Variants in DACH1 observed in about 807,000 individuals in gnomAD.
DACH1 encodes dachshund homolog 1.
In DACH1, 12 loss-of-function variants were observed where a neutral mutation model predicts 54.2. That is an observed-to-expected ratio of 0.22 (90% confidence interval 0.14 to 0.36). The LOEUF (loss-of-function observed/expected upper bound fraction) is 0.36. Ranked by LOEUF, DACH1 falls within the 10% of genes least tolerant of loss-of-function variation. The pLI is 1.00. For synonymous variants in DACH1, 386 were observed against 366.2 expected (o/e 1.05, Z -0.62); for missense variants, 805 against 929.8 (o/e 0.87, Z 1.75).
intron 10 of DACH1, among the ~76,000 whole-genome samples, chr13:71,467,227 A>C (rs1876661907): frequency 6.6e-6 from 1 of 151,564 alleles, no homozygotes; most frequent in Non-Finnish European, 1.5e-5. Context: ...ACATTAAAAA[A>C]CAGTATTACT....
At chr13:71,516,012 G>A (rs538826147) in intron 6 of DACH1, among the ~76,000 whole-genome samples, 1 of 151,858 alleles carries the variant, frequency 6.6e-6, no homozygotes, top group South Asian at 2.1e-4. Context: ...TAAACTTCAC[G>A]CTTATGGAAA....
At chr13:71,607,228 T>C (rs1282275474) in intron 3 of DACH1, among the ~76,000 whole-genome samples, 2 of 152,030 alleles carry the variant, frequency 1.3e-5, no homozygotes, top group Non-Finnish European at 2.9e-5. Context: ...TTCACCTGCA[T>C]AACTTTTTAC....
At chr13:71,572,193 A>G (rs1227866438) in intron 4 of DACH1, among the ~76,000 whole-genome samples, 2 of 152,204 alleles carry the variant, frequency 1.3e-5, no homozygotes, top group African/African-American at 4.8e-5. Flanking sequence ...TTAAGTACAC[A>G]TTTTAAAATA....
At chr13:71,512,876 G>A (rs149038664) in intron 6 of DACH1, among the ~76,000 whole-genome samples, 40 of 151,744 alleles carry the variant, frequency 2.6e-4, no homozygotes, top group African/African-American at 9.4e-4. Flanking sequence ...AGAAAATCTA[G>A]AAGAATAATC....
intron 3 of DACH1, among the ~76,000 whole-genome samples, chr13:71,612,475 TA>T (rs1186822783): frequency 2.6e-5 from 4 of 151,096 alleles, no homozygotes; most frequent in South Asian, 2.1e-4. Context: ...TTAATGTTCT[TA>T]AAAAAAAAGA....
At chr13:71,533,121 T>C (rs1275848995) in intron 6 of DACH1, among the ~76,000 whole-genome samples, 1 of 151,522 alleles carries the variant, frequency 6.6e-6, no homozygotes, top group Non-Finnish European at 1.5e-5. Context: ...TCAGGAGAGA[T>C]ATCAATAACA....
chr13:71,726,034 T>C (rs1215893684), intron 1 of DACH1, among the ~76,000 whole-genome samples: 2 of 152,100 alleles, frequency 1.3e-5, no homozygotes, highest in Non-Finnish European at 1.5e-5. Flanking sequence ...AATGAACACA[T>C]AGTGATTTAC....
rs570504347 is a variant in DACH1 at position 71,866,993 on chromosome 13, C to A, written c.-224G>T. On this transcript the variant is annotated 5_prime_UTR_variant, in exon 1 of 11. Transcript: ENST00000613252. Reference sequence around the variant, plus strand: ...GCACGAGAGGCGCTCTGGAGAGGAACGCACAAAAGTGTCCCGCAAGTCGAA... The same window carrying A: ...GCACGAGAGGCGCTCTGGAGAGGAAAGCACAAAAGTGTCCCGCAAGTCGAA... 1.5e-3 allele frequency: 504 copies of A among 343,348 alleles called. 5 individuals are homozygous for A. The highest frequency in any genetic ancestry group is 0.011 in the African/African-American group (481 of 44,788). 21.3% of individuals were successfully genotyped at this position (343,348 alleles called of 1,614,324 possible).
intron 10 of DACH1, among the ~76,000 whole-genome samples, chr13:71,445,693 T>A (rs1217020976): frequency 6.6e-6 from 1 of 152,238 alleles, no homozygotes; most frequent in Non-Finnish European, 1.5e-5. Flanking sequence ...AATTTTGTCA[T>A]ATTTATTAAA....
intron 1 of DACH1, among the ~76,000 whole-genome samples, chr13:71,742,720 A>AT (rs1036272227): frequency 1.6e-4 from 24 of 149,504 alleles, no homozygotes; most frequent in South Asian, 1.1e-3. Context: ...CATCTTATAC[A>AT]TTTTTTTTTT....
In DACH1 at chr13:71,439,369, A is replaced by G. The variant is rs1803547970; in HGVS notation, c.*1286T>C. On this transcript the variant is annotated 3_prime_UTR_variant, in exon 11 of 11. Coordinates refer to ENST00000613252, the MANE Select transcript of DACH1 (RefSeq NM_080759.6). ...GAAAACACATACTGTAACTTTCAAA[A>G]AGACAGTGAAAATAACACATAGCCA... is the stretch of plus-strand genomic sequence containing the variant. The G allele has an allele frequency of 6.6e-6, 1 of 152,456 alleles. No individual in the cohort carries two copies. Among genetic ancestry groups the G allele is most frequent in the South Asian group, 2.1e-4 (1 of 4,830 alleles). The allele number at this position is 152,456 out of a possible 1,614,324, so 9.4% of individuals were successfully genotyped here.
intron 6 of DACH1, among the ~76,000 whole-genome samples, chr13:71,517,646 G>A (rs889565825): frequency 4.6e-5 from 7 of 151,830 alleles, no homozygotes; most frequent in Non-Finnish European, 1.0e-4. Flanking sequence ...AATGTTCACT[G>A]GAAAGGAAGT....
At chr13:71,646,542 A>G (rs897574196) in intron 2 of DACH1, among the ~76,000 whole-genome samples, 2 of 152,298 alleles carry the variant, frequency 1.3e-5, no homozygotes, top group South Asian at 4.1e-4. Context: ...CTACATTTGG[A>G]CATAAAAATG....
At chr13:71,661,662 A>ATTTCTTGGAT (rs1213716506) in intron 2 of DACH1, among the ~76,000 whole-genome samples, 11 of 152,060 alleles carry the variant, frequency 7.2e-5, no homozygotes, top group Non-Finnish European at 5.9e-5. Context: ...CCTTGAAATT[A>ATTTCTTGGAT]AGTTTATTTC....
chr13:71,675,648 T>G (rs1347395871), intron 2 of DACH1, among the ~76,000 whole-genome samples: 2 of 152,186 alleles, frequency 1.3e-5, no homozygotes, highest in Non-Finnish European at 2.9e-5. Context: ...TATTGGCAGT[T>G]TTTCCGTTTT....
chr13:71,731,336 G>A (rs958989366), intron 1 of DACH1, among the ~76,000 whole-genome samples: 1 of 144,020 alleles, frequency 6.9e-6, no homozygotes. Flanking sequence ...CTGTCGCCCA[G>A]GCTGGAGTGC....
In DACH1 at chr13:71,478,483, TA is replaced by T. The variant is rs1366470207; in HGVS notation, c.1870+685del. On this transcript the variant is annotated intron_variant, in intron 8 of 10. Transcript: ENST00000613252. ...GTTGAAGCAAAGAGGCAGTTGATTG[TA>T]GACAAAATAATCTTCAAATTCATAC... Among the ~76,000 whole-genome samples the T allele has an allele frequency of 3.3e-5, 5 of 152,190 alleles. No individual in the cohort carries two copies. The East Asian group carries it at 9.6e-4, about 29-fold the overall frequency.
chr13:71,563,713 T>A (rs1204291113), intron 4 of DACH1, among the ~76,000 whole-genome samples: 1 of 151,680 alleles, frequency 6.6e-6, no homozygotes, highest in Non-Finnish European at 1.5e-5. Context: ...AAAAGCATAA[T>A]AAAGCTCAGT....
intron 1 of DACH1, among the ~76,000 whole-genome samples, chr13:71,817,973 C>T (rs1036444737): frequency 1.3e-5 from 2 of 151,764 alleles, no homozygotes; most frequent in Non-Finnish European, 2.9e-5. Flanking sequence ...CGCCATGATG[C>T]CCCACTAATT....
Sources: allele counts gnomAD v4.1 joint callset (sites outside exome capture counted in the v4.1 genomes callset), GRCh38; gene constraint gnomAD v4.1.1; transcripts MANE v1.5; gene names NCBI Gene and HGNC (gene_info 2026-07-23, HGNC 2026-07-21).